MCF2L2: variants seen among roughly 807,000 people sequenced by gnomAD.
The protein encoded by MCF2L2 is probable guanine nucleotide exchange factor MCF2L2.
In MCF2L2, 102 loss-of-function variants were observed where a neutral mutation model predicts 150.2. The ratio of observed to expected loss-of-function variants is 0.68; its 90% confidence interval spans 0.58 to 0.80. MCF2L2 has a LOEUF of 0.80. MCF2L2 is among the 30% of genes least tolerant of loss of function. The probability of loss-of-function intolerance (pLI) is 0.00; values close to 1 mark genes in which losing one functional copy is unlikely to be tolerated. For synonymous variants in MCF2L2, 465 were observed against 491.3 expected, an observed-to-expected ratio of 0.95 and a Z score of 0.71; for missense variants, 1,256 against 1,372.8, an observed-to-expected ratio of 0.91 and a Z score of 1.34.
chr3:183,211,141 G>A (rs138677218), intron 22 of MCF2L2, among the ~76,000 whole-genome samples: 263 of 152,312 alleles, frequency 1.7e-3, no homozygotes, highest in African/African-American at 6.2e-3. Context: ...TCAGTAGGTG[G>A]TAAGAGGGGG....
intron 2 of MCF2L2, among the ~76,000 whole-genome samples, chr3:183,381,943 T>C (rs145991316): frequency 1.8e-3 from 277 of 152,306 alleles, no homozygotes; most frequent in African/African-American, 6.4e-3. Context: ...TATAACACTG[T>C]AGTAATTGCA....
intron 15 of MCF2L2, among the ~76,000 whole-genome samples, chr3:183,258,117 T>G (rs561391993): frequency 2.8e-4 from 42 of 151,826 alleles, no homozygotes; most frequent in East Asian, 1.2e-3. Context: ...ACAGGCATGC[T>G]CCACCACACC....
intron 15 of MCF2L2, among the ~76,000 whole-genome samples, chr3:183,260,751 T>C (rs2108416486): frequency 6.6e-6 from 1 of 151,768 alleles, no homozygotes; most frequent in Admixed American, 6.5e-5. Context: ...GTGGAGATCT[T>C]GTACCTGGAT....
intron 27 of MCF2L2, among the ~76,000 whole-genome samples, chr3:183,182,240 G>A (rs773383435): frequency 1.3e-4 from 20 of 152,090 alleles, no homozygotes; most frequent in Non-Finnish European, 2.1e-4. Flanking sequence ...CTCCCTGTGG[G>A]GGACTGTCAG....
At chr3:183,350,885 C>G (rs1731087877) in intron 3 of MCF2L2, among the ~76,000 whole-genome samples, 1 of 148,914 alleles carries the variant, frequency 6.7e-6, no homozygotes, top group Non-Finnish European at 1.5e-5. Context: ...GCCTGGGCGA[C>G]AGAGCGAGAC....
At chr3:183,220,711 A>G (rs995552023) in intron 20 of MCF2L2, among the ~76,000 whole-genome samples, 1 of 152,216 alleles carries the variant, frequency 6.6e-6, no homozygotes, top group African/African-American at 2.4e-5. Context: ...ATCTTTACCA[A>G]TTGAATGAAA....
intron 10 of MCF2L2, among the ~76,000 whole-genome samples, chr3:183,301,299 G>A (rs1577044308): frequency 6.6e-6 from 1 of 152,144 alleles, no homozygotes; most frequent in African/African-American, 2.4e-5. Flanking sequence ...ATGAAATGAA[G>A]CTTACATTTT....
At chr3:183,316,907 T>C (rs1729627280) in intron 7 of MCF2L2, among the ~76,000 whole-genome samples, 2 of 151,836 alleles carry the variant, frequency 1.3e-5, no homozygotes, top group South Asian at 4.2e-4. Flanking sequence ...GGTTTCACCA[T>C]GTTGGCCAGG....
In MCF2L2 at chr3:183,207,577, C is replaced by T. The variant is rs372701989; in HGVS notation, c.2712+31G>A. ...CGATCTCTCTCTTTTCTGCATAGGG[C>T]GACTCCCAGATGCAATAGGACTCCC... On this transcript the variant is annotated intron_variant, in intron 23 of 29. Transcript: ENST00000328913. 2.2e-4 allele frequency: 334 copies of T among 1,498,976 alleles called. 2 individuals carry two copies. The African/African-American group carries it at 3.4e-3, about 15-fold the overall frequency. 92.9% of individuals were successfully genotyped at this position (1,498,976 alleles called of 1,614,324 possible). A position where few individuals can be genotyped will look rare whatever the true frequency, so the allele number is the denominator to read the frequency against.
At chr3:183,203,406 A>G (rs1722365513) in intron 25 of MCF2L2, among the ~76,000 whole-genome samples, 1 of 152,228 alleles carries the variant, frequency 6.6e-6, no homozygotes, top group African/African-American at 2.4e-5. Context: ...AGGACGAAAC[A>G]GAAATTCTAG....
chr3:183,383,359 C>G (rs1255019848), intron 2 of MCF2L2, among the ~76,000 whole-genome samples: 1 of 152,090 alleles, frequency 6.6e-6, no homozygotes, highest in Non-Finnish European at 1.5e-5. Flanking sequence ...CTCAGCCTCC[C>G]AAGTAGCTGA....
At chr3:183,355,203 A>C (rs1215149970) in intron 3 of MCF2L2, among the ~76,000 whole-genome samples, 2 of 152,100 alleles carry the variant, frequency 1.3e-5, no homozygotes, top group African/African-American at 4.8e-5. Flanking sequence ...TTGAAAATGA[A>C]AAAAACTAGG....
At chr3:183,333,352 T>G (rs1262584623) in intron 5 of MCF2L2, among the ~76,000 whole-genome samples, 1 of 152,176 alleles carries the variant, frequency 6.6e-6, no homozygotes, top group East Asian at 1.9e-4. Context: ...CAGCCCTCTT[T>G]CAGAGTAATT....
intron 10 of MCF2L2, among the ~76,000 whole-genome samples, chr3:183,307,162 C>T (rs1342420132): frequency 6.6e-6 from 1 of 152,138 alleles, no homozygotes; most frequent in Non-Finnish European, 1.5e-5. Context: ...CTGGCAACAC[C>T]CCAGAGCCAG....
chr3:183,334,204 T>A (rs1165350090), intron 5 of MCF2L2, among the ~76,000 whole-genome samples: 2 of 151,962 alleles, frequency 1.3e-5, no homozygotes, highest in Non-Finnish European at 2.9e-5. Flanking sequence ...AGTGCTGGAG[T>A]TGGATAATCA....
chr3:183,270,767 T>C lies in MCF2L2; in HGVS notation c.1862+6105A>G, dbSNP rs755994534. ...TCTATGAAAAAATGATGACATCTCATGGACACTTAGAAGATCTCCAGGACC... is the reference window on the plus strand; with the variant it reads ...TCTATGAAAAAATGATGACATCTCACGGACACTTAGAAGATCTCCAGGACC... On this transcript the variant is annotated intron_variant, in intron 15 of 29. Coordinates refer to ENST00000328913, the MANE Select transcript of MCF2L2 (RefSeq NM_015078.4). The surrounding 1 kb of genome is among the most constrained non-coding windows in gnomAD (Gnocchi z 4.5). 10 of 1,613,946 alleles carry C rather than the reference T, an allele frequency of 6.2e-6. No homozygotes were observed. The East Asian group carries it at 1.6e-4, about 25-fold the overall frequency.
In MCF2L2 at chr3:183,300,034, A is replaced by T. The variant is rs149581227; in HGVS notation, c.1276T>A (p.Ser426Thr). 238 of 1,613,660 alleles carry T rather than the reference A, an allele frequency of 1.5e-4. 1 individual carries two copies. The African/African-American group carries it at 2.9e-3, about 20-fold the overall frequency. The change falls in exon 11 of 30, where the codon TCC (serine) becomes ACC (threonine). Residue 426 changes from serine (S) to threonine (T), a missense_variant. Physicochemically the swap from Ser to Thr is moderately conservative, Grantham distance 58. Transcript: ENST00000328913. ...TCCAGCTGTCTATGAAACTCTAAGGACTTTCCTAAAATGTCCCATTTTTTC... is the reference window on the plus strand; with the variant it reads ...TCCAGCTGTCTATGAAACTCTAAGGTCTTTCCTAAAATGTCCCATTTTTTC... ...NKKKWDILGKSLEFHRQLDKV... is the reference protein window; with the variant it reads ...NKKKWDILGKTLEFHRQLDKV...
chr3:183,369,072 C>A (rs1403307792), intron 3 of MCF2L2, among the ~76,000 whole-genome samples: 2 of 152,138 alleles, frequency 1.3e-5, no homozygotes, highest in Non-Finnish European at 2.9e-5. Context: ...AGTAAAAAGT[C>A]ACTTAATAAA....
At chr3:183,390,132 G>A (rs1360406156) in intron 1 of MCF2L2, among the ~76,000 whole-genome samples, 2 of 152,146 alleles carry the variant, frequency 1.3e-5, no homozygotes, top group Admixed American at 1.3e-4. Context: ...CTTTGGGTCT[G>A]CAGAAGGACA....
Sources: gnomAD v4.1 joint callset for allele counts (sites outside exome capture counted in the v4.1 genomes callset) on GRCh38, gnomAD v4.1.1 for gene constraint, Gnocchi (gnomAD v3.1) non-coding constraint, MANE v1.5 for transcripts, NCBI Gene and HGNC (gene_info 2026-07-23, HGNC 2026-07-21) for gene names.